The following RTN1 variants were observed in gnomAD, a reference collection of about 807,000 sequenced individuals.
The protein encoded by RTN1 is reticulon 1.
In RTN1, 25 loss-of-function variants were observed where a neutral mutation model predicts 65.5. That is an observed-to-expected ratio of 0.38 (90% CI 0.28 to 0.53). The LOEUF is 0.53. RTN1 is among the 20% of genes least tolerant of loss of function. The pLI, the probability that RTN1 is intolerant of heterozygous loss-of-function variation, is 0.79. For missense variants in RTN1, 983 were observed against 1,025.4 expected, an observed-to-expected ratio of 0.96 and a Z score of 0.57; for synonymous variants, 471 against 447.6, an observed-to-expected ratio of 1.05 and a Z score of -0.66.
intron 3 of RTN1, among the ~76,000 whole-genome samples, chr14:59,698,468 C>T (rs1884109432): frequency 6.6e-6 from 1 of 152,050 alleles, no homozygotes; most frequent in Non-Finnish European, 1.5e-5. Context: ...TCTTGAACTC[C>T]CACGTGTTGT....
At chr14:59,739,960 G>A (rs540718243) in intron 2 of RTN1, among the ~76,000 whole-genome samples, 59 of 152,324 alleles carry the variant, frequency 3.9e-4, no homozygotes, top group Non-Finnish European at 7.2e-4. Context: ...AGGCCACATG[G>A]CAGAGCAGCT....
intron 2 of RTN1, among the ~76,000 whole-genome samples, chr14:59,728,876 T>A (rs1182994074): frequency 1.3e-5 from 2 of 152,238 alleles, no homozygotes; most frequent in African/African-American, 4.8e-5. Context: ...ATGAAACAGA[T>A]AACAAAGTCT....
At chr14:59,702,194 A>C (rs1884193812) in intron 3 of RTN1, among the ~76,000 whole-genome samples, 1 of 152,184 alleles carries the variant, frequency 6.6e-6, no homozygotes, top group Non-Finnish European at 1.5e-5. Flanking sequence ...TAATTAAATA[A>C]GGGCCTTTAA....
At chr14:59,743,084 T>G (rs1389878520) in intron 2 of RTN1, among the ~76,000 whole-genome samples, 5 of 152,202 alleles carry the variant, frequency 3.3e-5, no homozygotes, top group Non-Finnish European at 7.3e-5. Context: ...ATGCCTTGCT[T>G]AGAATGTTTA....
At chr14:59,843,768 T>G (rs1457054546) in intron 1 of RTN1, among the ~76,000 whole-genome samples, 2 of 152,212 alleles carry the variant, frequency 1.3e-5, no homozygotes, top group Non-Finnish European at 1.5e-5. Flanking sequence ...AATGTCTTGA[T>G]GAACTTCAGA....
At chr14:59,826,141 GCA>G (rs764552341) in intron 1 of RTN1, among the ~76,000 whole-genome samples, 1 of 152,170 alleles carries the variant, frequency 6.6e-6, no homozygotes, top group Non-Finnish European at 1.5e-5. Flanking sequence ...CAGTTGTTGA[GCA>G]CAAACTATAC....
At chr14:59,658,340 G>A (rs1220233750) in intron 3 of RTN1, among the ~76,000 whole-genome samples, 1 of 141,042 alleles carries the variant, frequency 7.1e-6, no homozygotes, top group Non-Finnish European at 1.5e-5. Context: ...AGACTTAAAT[G>A]TTCCTGCCTT....
At chr14:59,765,865 T>G (rs1314761447) in intron 1 of RTN1, among the ~76,000 whole-genome samples, 2 of 152,174 alleles carry the variant, frequency 1.3e-5, no homozygotes, top group Non-Finnish European at 2.9e-5. Flanking sequence ...AAGATTGTGC[T>G]TTGTACTAGT....
chr14:59,750,056 A>G (rs1885415203), intron 1 of RTN1, among the ~76,000 whole-genome samples: 1 of 50,698 alleles, frequency 2.0e-5, no homozygotes, highest in African/African-American at 8.4e-5. Context: ...ATTATATTAT[A>G]TACATATATT....
Position 59,773,487 on chromosome 14 carries a change from C to T in RTN1, c.242-27006G>A, listed in dbSNP as rs60766453. 3.0e-3 allele frequency among the ~76,000 whole-genome samples: 461 copies of T among 152,154 alleles called. 3 individuals carry two copies. Among genetic ancestry groups the T allele is most frequent in the African/African-American group, 0.011 (451 of 41,550 alleles). ...ATAAATCAGCACAAAAAAGACAGAA[C>T]TTATTTTTAACCACAGCAATATTTA... is the stretch of plus-strand genomic sequence containing the variant. On this transcript the variant is annotated intron_variant, in intron 1 of 8. Coordinates refer to ENST00000267484, the MANE Select transcript of RTN1 (RefSeq NM_021136.3).
At chr14:59,726,565 TAAC>T (rs1420253106) in intron 3 of RTN1, among the ~76,000 whole-genome samples, 1 of 151,968 alleles carries the variant, frequency 6.6e-6, no homozygotes, top group African/African-American at 2.4e-5. Context: ...GCCTGGACAA[TAAC>T]AAGAAAAGCA....
At chr14:59,673,235 C>G (rs921442956) in intron 3 of RTN1, among the ~76,000 whole-genome samples, 1 of 152,160 alleles carries the variant, frequency 6.6e-6, no homozygotes, top group South Asian at 2.1e-4. Flanking sequence ...TCTGAGCCCC[C>G]AAGAAATGTT....
chr14:59,775,239 C>A (rs2139566354), intron 1 of RTN1, among the ~76,000 whole-genome samples: 1 of 152,268 alleles, frequency 6.6e-6, no homozygotes, highest in East Asian at 1.9e-4. Flanking sequence ...AGAGATGGTA[C>A]TAGAACCCAA....
At chr14:59,612,183 C>T (rs1881971727) in intron 3 of RTN1, among the ~76,000 whole-genome samples, 1 of 152,208 alleles carries the variant, frequency 6.6e-6, no homozygotes, top group African/African-American at 2.4e-5. Context: ...TTCGGTTCCC[C>T]TTGCAGCCCA....
chr14:59,834,411 A>G (rs934562504), intron 1 of RTN1, among the ~76,000 whole-genome samples: 2 of 152,228 alleles, frequency 1.3e-5, no homozygotes, highest in Non-Finnish European at 2.9e-5. Context: ...GACTGTTAAG[A>G]GAATGAAAAG....
At chr14:59,764,618 A>G (rs1885814806) in intron 1 of RTN1, among the ~76,000 whole-genome samples, 1 of 152,148 alleles carries the variant, frequency 6.6e-6, no homozygotes, top group African/African-American at 2.4e-5. Context: ...CATCGCGCCC[A>G]GCCGTGAAAT....
chr14:59,732,220 G>A (rs765360710), intron 2 of RTN1, among the ~76,000 whole-genome samples: 2 of 152,174 alleles, frequency 1.3e-5, no homozygotes, highest in Non-Finnish European at 1.5e-5. Flanking sequence ...AATGATGCAG[G>A]GTTGATGTAA....
intron 3 of RTN1, among the ~76,000 whole-genome samples, chr14:59,664,864 CA>C (rs1179578337): frequency 6.6e-6 from 1 of 152,082 alleles, no homozygotes; most frequent in Non-Finnish European, 1.5e-5. Flanking sequence ...TGCCAGAGTG[CA>C]ATTACTGAGT....
intron 3 of RTN1, among the ~76,000 whole-genome samples, chr14:59,655,848 G>T (rs2140202916): frequency 6.6e-6 from 1 of 152,268 alleles, no homozygotes; most frequent in African/African-American, 2.4e-5. Flanking sequence ...CAAAATAGAT[G>T]AAAGACCAAA....
Sources: allele counts gnomAD v4.1 joint callset (sites outside exome capture counted in the v4.1 genomes callset), GRCh38; gene constraint gnomAD v4.1.1; transcripts MANE v1.5; gene names NCBI Gene and HGNC (gene_info 2026-07-23, HGNC 2026-07-21).